Variants in CAMTA1 observed in about 807,000 individuals in gnomAD.
The protein encoded by CAMTA1 is calmodulin-binding transcription activator 1.
A neutral mutation model predicts 170.9 loss-of-function variants in CAMTA1; 27 were observed. The ratio of observed to expected loss-of-function variants is 0.16; its 90% CI spans 0.12 to 0.22. The LOEUF (loss-of-function observed/expected upper bound fraction) is 0.22. Ranked by LOEUF, CAMTA1 falls within the 10% of genes least tolerant of loss-of-function variation. The pLI is 1.00. For missense variants in CAMTA1, 1,619 were observed against 2,217.2 expected, an observed-to-expected ratio of 0.73 and a Z score of 5.42; for synonymous variants, 833 against 891.5, an observed-to-expected ratio of 0.93 and a Z score of 1.17.
chr1:7,738,189 A>G lies in CAMTA1; in HGVS notation c.3889A>G (p.Ser1297Gly). The change falls in exon 16 of 23, where the codon AGC becomes GGC. Residue 1297 changes from serine (S) to glycine (G), a missense_variant. By Grantham distance (56) the Ser-to-Gly change is moderately conservative. This residue lies in a region of CAMTA1 where 370 missense variants were observed against 429.4 expected (regional missense o/e 0.86). Coordinates refer to ENST00000303635, the MANE Select transcript of CAMTA1 (RefSeq NM_015215.4). The surrounding 1 kb of genome is among the most constrained non-coding windows in gnomAD (Gnocchi z 4.9). ...LSPSEGVRDFSRELSPPTPET... is the reference protein window; with the variant it reads ...LSPSEGVRDFGRELSPPTPET... Reference sequence around the variant, plus strand: ...CCCCAGTGAAGGAGTGAGGGACTTCAGCCGGGAACTCTCCCCTCCCACTCC... The same window carrying G: ...CCCCAGTGAAGGAGTGAGGGACTTCGGCCGGGAACTCTCCCCTCCCACTCC... 1 of 1,614,056 alleles carries G rather than the reference A, an allele frequency of 6.2e-7. No homozygotes were observed. Among genetic ancestry groups the G allele is most frequent in the Non-Finnish European group, 8.5e-7 (1 of 1,180,022 alleles).
chr1:7,113,939 C>T lies in CAMTA1; in HGVS notation c.302+22568C>T, dbSNP rs1401551487. On this transcript the variant is annotated intron_variant, in intron 4 of 22. Transcript: ENST00000303635. This position sits in a 1 kb window ranked among gnomAD's most constrained non-coding sequence, Gnocchi z 4.5. ...TTGTGGCCGTATTGGTCTTTCTTTACATCATCGGCAAGCCACTGTTTCGGA... is the reference window on the plus strand; with the variant it reads ...TTGTGGCCGTATTGGTCTTTCTTTATATCATCGGCAAGCCACTGTTTCGGA... 1.3e-5 allele frequency among the ~76,000 whole-genome samples: 2 copies of T among 152,308 alleles called. No individual in the cohort carries two copies. The highest frequency in any genetic ancestry group is 2.1e-4 in the South Asian group (1 of 4,822).
chr1:6,819,674 G>A (rs888122624), intron 1 of CAMTA1, among the ~76,000 whole-genome samples: 2 of 152,178 alleles, frequency 1.3e-5, no homozygotes, highest in African/African-American at 4.8e-5. Context: ...AAATTTTGAA[G>A]CAGCCTTAAG....
chr1:7,225,209 C>T (rs1460938084), intron 4 of CAMTA1, among the ~76,000 whole-genome samples: 4 of 152,128 alleles, frequency 2.6e-5, no homozygotes, highest in Non-Finnish European at 2.9e-5. Flanking sequence ...CTCAGCCTCC[C>T]GAGTAGCTGG....
At chr1:7,727,268 G>A (rs1346737908) in intron 11 of CAMTA1, among the ~76,000 whole-genome samples, 3 of 151,918 alleles carry the variant, frequency 2.0e-5, no homozygotes, top group African/African-American at 7.3e-5. Flanking sequence ...AACTACAGGC[G>A]CCCGCCACCA....
chr1:7,333,766 C>A lies in CAMTA1; in HGVS notation c.438+84140C>A, dbSNP rs145178856. On this transcript the variant is annotated intron_variant, in intron 5 of 22. Transcript: ENST00000303635. This position sits in a 1 kb window ranked among gnomAD's most constrained non-coding sequence, Gnocchi z 4.4. ...ACCACGGACTAGGTTTAAAAATCAA[C>A]TTTAGATTTGCTTTGCCGTTTGCAG... 4.5e-4 allele frequency among the ~76,000 whole-genome samples: 68 copies of A among 152,324 alleles called. 1 individual carries two copies. In the East Asian group the frequency reaches 0.012, roughly 28 times the overall value.
intron 11 of CAMTA1, among the ~76,000 whole-genome samples, chr1:7,714,030 A>C (rs1350813945): frequency 6.6e-6 from 1 of 152,176 alleles, no homozygotes; most frequent in Non-Finnish European, 1.5e-5. Context: ...GAACAGATTT[A>C]AAAATTGGCA....
rs571967349 is a variant in CAMTA1, at chr1:7,424,390, G to A, written c.439-43440G>A. On this transcript the variant is annotated intron_variant, in intron 5 of 22. Coordinates refer to ENST00000303635, the MANE Select transcript of CAMTA1 (RefSeq NM_015215.4). ...TCTTGGAAATATCATTTTGTATTGC[G>A]TGTCACAGTGAGGGGCCTTTCATGA... Among the ~76,000 whole-genome samples, 4 of 148,996 alleles carry A rather than the reference G, an allele frequency of 2.7e-5. No individual in the cohort carries two copies. In the South Asian group the frequency reaches 8.6e-4, roughly 32 times the overall value.
chr1:7,602,832 T>G (rs1265871054), intron 6 of CAMTA1, among the ~76,000 whole-genome samples: 1 of 152,262 alleles, frequency 6.6e-6, no homozygotes, highest in Non-Finnish European at 1.5e-5. Flanking sequence ...TTTGAATATG[T>G]CCCAGAGATT....
intron 3 of CAMTA1, among the ~76,000 whole-genome samples, chr1:6,898,231 C>G (rs564193522): frequency 6.6e-6 from 1 of 152,040 alleles, no homozygotes; most frequent in Non-Finnish European, 1.5e-5. Flanking sequence ...CATCTGTTGC[C>G]CATTCCTCAG....
At chr1:7,639,396 GC>G (rs2148925047) in intron 6 of CAMTA1, among the ~76,000 whole-genome samples, 1 of 152,306 alleles carries the variant, frequency 6.6e-6, no homozygotes, top group East Asian at 1.9e-4. Context: ...GAGTGGACGA[GC>G]TGGATGGGGT....
At chr1:7,359,663 A>C (rs1168441804) in intron 5 of CAMTA1, among the ~76,000 whole-genome samples, 1 of 152,228 alleles carries the variant, frequency 6.6e-6, no homozygotes, top group Non-Finnish European at 1.5e-5. Flanking sequence ...GGCAGTCTGC[A>C]GATGGGCCAG....
intron 6 of CAMTA1, among the ~76,000 whole-genome samples, chr1:7,522,698 T>A (rs1438827863): frequency 6.6e-6 from 1 of 152,200 alleles, no homozygotes; most frequent in Admixed American, 6.5e-5. Context: ...TGGGGTTTGG[T>A]TTTTTGTGTT....
rs116444891 is a variant in CAMTA1 at position 7,076,311 on chromosome 1, A to G, written c.235-14993A>G. Reference sequence around the variant, plus strand: ...GCTCTGTTGTAACCCTTTGAAAAGCAAGCTCCCTTTTTATGGCTTTGACAT... The same window carrying G: ...GCTCTGTTGTAACCCTTTGAAAAGCGAGCTCCCTTTTTATGGCTTTGACAT... On this transcript the variant is annotated intron_variant, in intron 3 of 22. Transcript: ENST00000303635. Among the ~76,000 whole-genome samples, 784 of 152,300 alleles carry G rather than the reference A, an allele frequency of 5.1e-3. 9 individuals carry two copies. The highest frequency in any genetic ancestry group is 9.5e-3 in the Non-Finnish European group (647 of 68,026).
chr1:7,480,197 ATGTG>A (rs1364376181), intron 6 of CAMTA1, among the ~76,000 whole-genome samples: 2 of 84,022 alleles, frequency 2.4e-5, no homozygotes, highest in South Asian at 4.4e-4. Flanking sequence ...ATGTGTGTGC[ATGTG>A]TGTGAGTGCA....
intron 5 of CAMTA1, among the ~76,000 whole-genome samples, chr1:7,306,121 T>G (rs1446109871): frequency 6.6e-6 from 1 of 152,092 alleles, no homozygotes; most frequent in Non-Finnish European, 1.5e-5. Context: ...TTTTACAATT[T>G]CGTTGAAGTC....
Position 7,677,732 on chromosome 1 carries a change from C to T in CAMTA1, c.2913C>T (p.Asp971=), listed in dbSNP as rs151150979. 18 of 1,613,206 alleles carry T rather than the reference C, an allele frequency of 1.1e-5. No homozygotes were observed. The highest frequency in any genetic ancestry group is 4.0e-5 in the African/African-American group (3 of 74,918). ...PSSQHDWLSL[D]DNQFRMSILE... Reference sequence around the variant, plus strand: ...CCCAGCACGACTGGCTGTCGTTGGACGGTAAGAACAGTGCTTGGGTCGTCT... The same window carrying T: ...CCCAGCACGACTGGCTGTCGTTGGATGGTAAGAACAGTGCTTGGGTCGTCT... The change falls in exon 11 of 23, where the codon GAC becomes GAT. Residue 971 remains aspartate, a splice_region_variant and synonymous_variant. Transcript: ENST00000303635.
chr1:6,936,083 A>G (rs1214578395), intron 3 of CAMTA1, among the ~76,000 whole-genome samples: 1 of 152,194 alleles, frequency 6.6e-6, no homozygotes, highest in African/African-American at 2.4e-5. Context: ...CCTTCTGGAA[A>G]ATAAAAACTT....
chr1:7,157,605 G>A (rs1646970996), intron 4 of CAMTA1, among the ~76,000 whole-genome samples: 2 of 152,298 alleles, frequency 1.3e-5, no homozygotes, highest in Middle Eastern at 3.4e-3. Flanking sequence ...TGGGGATGTA[G>A]ATGGTACGAA....
intron 4 of CAMTA1, among the ~76,000 whole-genome samples, chr1:7,097,377 A>G (rs1642203736): frequency 6.6e-6 from 1 of 152,226 alleles, no homozygotes; most frequent in South Asian, 2.1e-4. Flanking sequence ...AGTGCCTGCC[A>G]TCCATGGGGT....
Sources: gnomAD v4.1 joint callset for allele counts (sites outside exome capture counted in the v4.1 genomes callset) on GRCh38, gnomAD v4.1.1 for gene constraint, gnomAD v4.1.1 regional missense constraint, Gnocchi (gnomAD v3.1) non-coding constraint, MANE v1.5 for transcripts, NCBI Gene and HGNC (gene_info 2026-07-23, HGNC 2026-07-21) for gene names.